MAF: variants seen among roughly 807,000 people sequenced by gnomAD.
The protein encoded by MAF is MAF bZIP transcription factor.
Under a neutral mutation model 22.0 loss-of-function variants are expected in MAF, and 10 were observed. The ratio of observed to expected loss-of-function variants is 0.45; its 90% confidence interval spans 0.28 to 0.77. MAF has a LOEUF of 0.77. Among genes scored for constraint, MAF ranks in the 30% least tolerant of loss-of-function variants. The pLI, the probability that MAF is intolerant of heterozygous loss-of-function variation, is 0.12. For missense variants in MAF, 544 were observed against 548.4 expected, an observed-to-expected ratio of 0.99 and a Z score of 0.08; for synonymous variants, 337 against 255.8, an observed-to-expected ratio of 1.32 and a Z score of -3.03.
the MAF span, among the ~76,000 whole-genome samples, chr16:79,377,561 G>A: frequency 6.6e-6 from 1 of 152,194 alleles, no homozygotes; most frequent in Non-Finnish European, 1.5e-5. Flanking sequence ...TTTGGCTTTT[G>A]TTGCCGTTGC....
chr16:79,418,437 A>T, the MAF span, among the ~76,000 whole-genome samples: 1 of 152,166 alleles, frequency 6.6e-6, no homozygotes, highest in African/African-American at 2.4e-5. Context: ...TGACAGACAG[A>T]AAGAAAATTT....
the MAF span, among the ~76,000 whole-genome samples, chr16:79,531,161 C>A: frequency 3.9e-5 from 6 of 152,172 alleles, no homozygotes; most frequent in Non-Finnish European, 7.3e-5. Flanking sequence ...GTTGCTAGAG[C>A]TTGTATAAGC....
At chr16:79,333,384 G>A in the MAF span, among the ~76,000 whole-genome samples, 1 of 152,118 alleles carries the variant, frequency 6.6e-6, no homozygotes. Flanking sequence ...GGACTTTGCA[G>A]GGGAGAGTTC....
At chr16:79,203,936 C>G in the MAF span, 1 of 152,178 alleles carries the variant, frequency 6.6e-6, no homozygotes, top group Non-Finnish European at 1.5e-5. Flanking sequence ...TAAACACACA[C>G]TAAATATCTT....
At chr16:79,488,222 G>C in the MAF span, among the ~76,000 whole-genome samples, 1 of 152,152 alleles carries the variant, frequency 6.6e-6, no homozygotes, top group African/African-American at 2.4e-5. Flanking sequence ...GGTACCCCTT[G>C]TGAACCTGCC....
At chr16:79,314,902 T>C in the MAF span, among the ~76,000 whole-genome samples, 1 of 152,240 alleles carries the variant, frequency 6.6e-6, no homozygotes, top group South Asian at 2.1e-4. Flanking sequence ...TGGGCTTCTC[T>C]AGTTCCCCCA....
At chr16:79,226,380 G>T in the MAF span, among the ~76,000 whole-genome samples, 1 of 152,114 alleles carries the variant, frequency 6.6e-6, no homozygotes. Flanking sequence ...GCCTGTCAGG[G>T]GGTGGGGTGT....
chr16:79,340,578 A>G, the MAF span, among the ~76,000 whole-genome samples: 1 of 151,854 alleles, frequency 6.6e-6, no homozygotes, highest in South Asian at 2.1e-4. Context: ...ATTTGGGATC[A>G]GATAATTCTT....
At chr16:79,257,593 C>T in the MAF span, among the ~76,000 whole-genome samples, 2 of 152,202 alleles carry the variant, frequency 1.3e-5, no homozygotes, top group African/African-American at 4.8e-5. Flanking sequence ...GCTTATCTTG[C>T]TCAGCCTCAG....
the MAF span, among the ~76,000 whole-genome samples, chr16:79,528,398 T>C: frequency 3.9e-5 from 6 of 152,098 alleles, no homozygotes; most frequent in Non-Finnish European, 8.8e-5. Flanking sequence ...ACAGACACTG[T>C]CCCAGGGGCC....
At chr16:79,521,479 G>C in the MAF span, among the ~76,000 whole-genome samples, 3 of 152,350 alleles carry the variant, frequency 2.0e-5, no homozygotes, top group East Asian at 5.8e-4. Context: ...ATTTCGTACA[G>C]GATCTCTGGG....
the MAF span, among the ~76,000 whole-genome samples, chr16:79,256,865 A>ACAC: frequency 6.6e-6 from 1 of 151,392 alleles, no homozygotes; most frequent in African/African-American, 2.4e-5. Flanking sequence ...CACGCACACA[A>ACAC]ACACACACAC....
the MAF span, among the ~76,000 whole-genome samples, chr16:79,289,895 TG>T: frequency 3.4e-5 from 5 of 149,072 alleles, no homozygotes; most frequent in African/African-American, 1.3e-4. Flanking sequence ...CTCTGTCACC[TG>T]GCTGGAGTGC....
the MAF span, among the ~76,000 whole-genome samples, chr16:79,556,427 G>T: frequency 1.3e-5 from 2 of 152,182 alleles, no homozygotes; most frequent in Non-Finnish European, 2.9e-5. Context: ...AAAGAGAGTT[G>T]TATTGGGTTT....
chr16:79,226,119 G>C, the MAF span, among the ~76,000 whole-genome samples: 6 of 152,202 alleles, frequency 3.9e-5, no homozygotes, highest in South Asian at 1.2e-3. Context: ...GTAAAGACTT[G>C]GAACCAACCC....
chr16:79,228,700 T>C, the MAF span, among the ~76,000 whole-genome samples: 1 of 152,060 alleles, frequency 6.6e-6, no homozygotes, highest in East Asian at 1.9e-4. Flanking sequence ...TTTGTTATGG[T>C]TGAAAATTCA....
chr16:79,506,400 T>C, the MAF span, among the ~76,000 whole-genome samples: 1 of 151,784 alleles, frequency 6.6e-6, no homozygotes, highest in Non-Finnish European at 1.5e-5. Context: ...AACCTCAGAG[T>C]GTGTGCCCAT....
the MAF span, among the ~76,000 whole-genome samples, chr16:79,219,477 G>C: frequency 1.2e-3 from 182 of 147,924 alleles, 1 homozygote; most frequent in African/African-American, 3.9e-3. Context: ...CGTGAACCCG[G>C]GGGGCGGAGC....
the MAF span, among the ~76,000 whole-genome samples, chr16:79,355,165 C>G: frequency 2.0e-5 from 3 of 152,218 alleles, no homozygotes; most frequent in African/African-American, 7.2e-5. Flanking sequence ...CTAGTGAAAA[C>G]TCCAGAATAC....
Sources: gnomAD v4.1 joint callset for allele counts (sites outside exome capture counted in the v4.1 genomes callset) on GRCh38, gnomAD v4.1.1 for gene constraint, MANE v1.5 for transcripts, NCBI Gene and HGNC (gene_info 2026-07-23, HGNC 2026-07-21) for gene names.